The following ADGRV1 variants were observed in gnomAD, a reference collection of about 807,000 sequenced individuals.
ADGRV1 encodes the protein adhesion G protein-coupled receptor V1.
Under a neutral mutation model 596.2 loss-of-function variants are expected in ADGRV1, and 359 were observed. The ratio of observed to expected loss-of-function variants is 0.60; its 90% CI spans 0.55 to 0.66. The LOEUF (loss-of-function observed/expected upper bound fraction) is 0.66. Among genes scored for constraint, ADGRV1 ranks in the 30% least tolerant of loss-of-function variants. The pLI is 0.00. For missense variants in ADGRV1, 7,274 were observed against 7,575.6 expected (o/e 0.96, Z 1.48); for synonymous variants, 2,681 against 2,679.2 (o/e 1.00, Z -0.02).
chr5:90,725,570 G>A lies in ADGRV1; in HGVS notation c.10075G>A (p.Glu3359Lys). ...LFLVQTIIIL[E>K]SSQVRYFTSD... ...GCAGGTACAAACAATCATTATTCTG[G>A]AAAGTTCTCAAGTAAGATATTTTAC... Residue 3359 changes from glutamate to lysine, a missense_variant, in exon 48 of 90, where the codon GAA becomes AAA. Around this residue, in one of 5 missense-constraint regions of ADGRV1, gnomAD observed 3,643 missense variants for 3,809.2 expected, o/e 0.96. Coordinates refer to ENST00000405460, the MANE Select transcript of ADGRV1 (RefSeq NM_032119.4). 1 of 1,564,790 alleles carries A rather than the reference G, an allele frequency of 6.4e-7. No homozygotes were observed. The highest frequency in any genetic ancestry group is 1.4e-5 in the African/African-American group (1 of 74,000).
intron 33 of ADGRV1, 86 bp downstream of exon 33, chr5:90,694,787 CT>C: frequency 8.2e-7 from 1 of 1,216,354 alleles, no homozygotes; most frequent in East Asian, 2.5e-5. Flanking sequence ...AGAATTCTTA[CT>C]GTGTACATTC....
Position 90,729,738 on chromosome 5 carries a change from A to G in ADGRV1, c.10523A>G (p.His3508Arg), listed in dbSNP as rs1752290080. 6.2e-7 allele frequency: 1 copy of G among 1,613,026 alleles called. No individual in the cohort carries two copies. Among genetic ancestry groups the G allele is most frequent in the African/African-American group, 1.3e-5 (1 of 74,810 alleles). ...SVDFAAVNRI[H>R]SFTPASGIAH... ...GATTTTGCTGCTGTTAACAGAATCCACTCCTTCACACCAGCCTCAGGAATA... is the reference window on the plus strand; with the variant it reads ...GATTTTGCTGCTGTTAACAGAATCCGCTCCTTCACACCAGCCTCAGGAATA... The change falls in exon 50 of 90, where the codon CAC (histidine) becomes CGC (arginine). Residue 3508 changes from histidine (H) to arginine (R), a missense_variant. Physicochemically the swap from His to Arg is conservative, Grantham distance 29. Coordinates refer to ENST00000405460, the MANE Select transcript of ADGRV1 (RefSeq NM_032119.4).
intron 38 of ADGRV1, among the ~76,000 whole-genome samples, 181 bp downstream of exon 38, chr5:90,706,575 A>G (rs192841233): frequency 3.3e-5 from 5 of 152,010 alleles, no homozygotes; most frequent in Non-Finnish European, 7.4e-5. Context: ...TTATTATTGT[A>G]TTAAACCTGA....
chr5:90,918,878 A>G (rs1366470660), intron 83 of ADGRV1, among the ~76,000 whole-genome samples: 1 of 152,116 alleles, frequency 6.6e-6, no homozygotes, highest in East Asian at 1.9e-4. Context: ...TCCTCCTTTA[A>G]TTGTGTCTGT....
intron 83 of ADGRV1, among the ~76,000 whole-genome samples, chr5:90,937,562 G>A (rs572685211): frequency 9.0e-4 from 134 of 149,028 alleles, no homozygotes; most frequent in Non-Finnish European, 1.5e-3. Context: ...GGTTCACGCC[G>A]TTCTCCTGCC....
intron 10 of ADGRV1, 135 bp downstream of exon 10, chr5:90,635,425 C>A: frequency 2.9e-6 from 2 of 696,058 alleles, no homozygotes; most frequent in Non-Finnish European, 4.7e-6. Flanking sequence ...TTCAGTATGT[C>A]ATTTGAAATA....
rs571832761 is a variant in ADGRV1, at chr5:90,776,305, G to A, written c.12404-148G>A. Reference sequence around the variant, plus strand: ...ACCTCAATGTGCTTCAGAGTCATAGGTAAAATGAGGATATTAATACCTTAC... The same window carrying A: ...ACCTCAATGTGCTTCAGAGTCATAGATAAAATGAGGATATTAATACCTTAC... On this transcript the variant is annotated intron_variant, in intron 60 of 89. Transcript: ENST00000405460. 28 of 773,954 alleles carry A rather than the reference G, an allele frequency of 3.6e-5. No individual in the cohort carries two copies. The African/African-American group carries it at 4.6e-4, about 13-fold the overall frequency. The allele number at this position is 773,954 out of a possible 1,614,324, so 47.9% of individuals were successfully genotyped here.
In ADGRV1 at chr5:90,908,734, T is replaced by C. The variant is rs147819098; in HGVS notation, c.17856+44877T>C. Among the ~76,000 whole-genome samples, 1,325 of 152,356 alleles carry C rather than the reference T, an allele frequency of 8.7e-3. 16 individuals are homozygous for C. Among genetic ancestry groups the C allele is most frequent in the African/African-American group, 0.031 (1,278 of 41,576 alleles). ...GAGTGATATATTATTAAAGGGACTC[T>C]CGGAAGCATTTAAGAAGCATTGCCT... is the stretch of plus-strand genomic sequence containing the variant. On this transcript the variant is annotated intron_variant, in intron 83 of 89. Coordinates refer to ENST00000405460, the MANE Select transcript of ADGRV1 (RefSeq NM_032119.4).
At position 90,725,475 on chromosome 5, in the gene ADGRV1, A is replaced by G. The variant is rs16869043; in HGVS notation, c.10054-74A>G. The G allele has an allele frequency of 0.14, 119,789 of 830,184 alleles. 10,345 individuals are homozygous for G. The highest frequency in any genetic ancestry group is 0.37 in the East Asian group (14,579 of 39,538). 51.4% of individuals were successfully genotyped at this position (830,184 alleles called of 1,614,324 possible). On this transcript the variant is annotated intron_variant, in intron 47 of 89. Transcript: ENST00000405460. ...AGTCTTGCACTTCAGATTTTAACTC[A>G]TGCTATTAGTGTGTTCAGTGGCTTT...
chr5:90,750,438 T>C (rs1470881464), intron 52 of ADGRV1, 113 bp from the exon 53 acceptor site: 8 of 737,532 alleles, frequency 1.1e-5, no homozygotes, highest in Non-Finnish European at 1.8e-5. Context: ...ACTTACTATG[T>C]CATGTTGCTT....
At chr5:90,773,712 A>G (rs1057152283) in intron 59 of ADGRV1, among the ~76,000 whole-genome samples, 2 of 152,206 alleles carry the variant, frequency 1.3e-5, no homozygotes, top group African/African-American at 2.4e-5. Context: ...AGAAGCTGCC[A>G]TTACTAATTT....
Position 91,030,975 on chromosome 5 carries a change from C to T in ADGRV1, c.18153-41472C>T, listed in dbSNP as rs1045969408. On this transcript the variant is annotated intron_variant, in intron 85 of 89. Transcript: ENST00000405460. ...GTTTTGTAATCAAAGGAAAAAACGT[C>T]GACTGATTTTATATGTCAATCAGTT... 3.6e-5 allele frequency: 46 copies of T among 1,294,402 alleles called. No homozygotes were observed. The East Asian group carries it at 7.3e-4, about 21-fold the overall frequency. The allele number at this position is 1,294,402 out of a possible 1,614,324, so 80.2% of individuals were successfully genotyped here.
At chr5:90,934,294 C>G (rs1281705796) in intron 83 of ADGRV1, among the ~76,000 whole-genome samples, 1 of 152,154 alleles carries the variant, frequency 6.6e-6, no homozygotes, top group African/African-American at 2.4e-5. Context: ...GATGTCTTCC[C>G]TGGGCGGTGA....
chr5:90,773,051 C>G (rs556909694), intron 59 of ADGRV1, among the ~76,000 whole-genome samples: 84 of 152,152 alleles, frequency 5.5e-4, no homozygotes, highest in Non-Finnish European at 8.1e-4. Context: ...CACCTGTAAT[C>G]CTAGCTATTC....
chr5:91,011,538 G>A (rs539504831), intron 85 of ADGRV1, among the ~76,000 whole-genome samples: 2 of 151,920 alleles, frequency 1.3e-5, no homozygotes, highest in African/African-American at 4.8e-5. Context: ...ACATTATGAT[G>A]TTCAGAATAC....
chr5:90,789,223 A>AT, intron 68 of ADGRV1, among the ~76,000 whole-genome samples: 1 of 152,114 alleles, frequency 6.6e-6, no homozygotes, highest in Non-Finnish European at 1.5e-5. Flanking sequence ...AGTATTCATC[A>AT]TATCTCCAAA....
chr5:90,643,173 A>G (rs1767219891), intron 13 of ADGRV1, 132 bp downstream of exon 13: 1 of 747,684 alleles, frequency 1.3e-6, no homozygotes, highest in African/African-American at 1.8e-5. Flanking sequence ...AGAAGTACAT[A>G]GATTTGGAAA....
chr5:90,600,197 CACA>C (rs1377011594), intron 1 of ADGRV1, among the ~76,000 whole-genome samples: 1 of 152,074 alleles, frequency 6.6e-6, no homozygotes, highest in Non-Finnish European at 1.5e-5. Context: ...GGTACATGTG[CACA>C]ACGTGTAGGT....
rs553616306 is a variant in ADGRV1, at chr5:91,081,645, G to A, written c.18310+9041G>A. On this transcript the variant is annotated intron_variant, in intron 86 of 89. Coordinates refer to ENST00000405460, the MANE Select transcript of ADGRV1 (RefSeq NM_032119.4). ...TACAAAAAATACAAAAATTAGCCGG[G>A]CATGGTGGCAGACGCCTGTAATCCC... is the stretch of plus-strand genomic sequence containing the variant. 7.9e-5 allele frequency among the ~76,000 whole-genome samples: 12 copies of A among 152,176 alleles called. No homozygotes were observed. The East Asian group carries it at 2.3e-3, about 29-fold the overall frequency.
Sources: gnomAD v4.1 joint callset for allele counts (sites outside exome capture counted in the v4.1 genomes callset) on GRCh38, gnomAD v4.1.1 for gene constraint, gnomAD v4.1.1 regional missense constraint, MANE v1.5 for transcripts, NCBI Gene and HGNC (gene_info 2026-07-23, HGNC 2026-07-21) for gene names.